VSIG10L2: variants seen among roughly 807,000 people sequenced by gnomAD.
VSIG10L2 encodes V-set and immunoglobulin domain containing 10 like 2, also known as V-set and immunoglobulin domain-containing protein 10-like 2.
In VSIG10L2, 56 loss-of-function variants were observed where a neutral mutation model predicts 67.1. That is an observed-to-expected ratio of 0.83 (90% confidence interval 0.67 to 1.04). The LOEUF (loss-of-function observed/expected upper bound fraction) is 1.04, where lower values mean the gene tolerates loss of function less well. Ranked by LOEUF, VSIG10L2 falls within the 50% of genes least tolerant of loss-of-function variation. VSIG10L2 has a pLI of 0.00. For synonymous variants in VSIG10L2, 360 were observed against 396.6 expected (o/e 0.91, Z 1.10); for missense variants, 843 against 932.8 (o/e 0.90, Z 1.25).
Position 125,954,380 on chromosome 11 carries a change from C to A in VSIG10L2, c.2080C>A (p.Pro694Thr). 2.4e-6 allele frequency: 3 copies of A among 1,232,120 alleles called. No homozygotes were observed. Among genetic ancestry groups the A allele is most frequent in the Non-Finnish European group, 3.0e-6 (3 of 987,992 alleles). 76.3% of individuals were successfully genotyped at this position (1,232,120 alleles called of 1,614,324 possible). ...AGGACATCCCTCTGAGGTGAAGATA[C>A]CAGGTGCCAGCTAATGCCAGGGAGG... ...TAGHPSEVKI[P>T]ADPPFSAYPA... The change falls in exon 8 of 12, where the codon CCA (proline) becomes ACA (threonine). Residue 694 changes from proline (P) to threonine (T), a missense_variant. Physicochemically the swap from Pro to Thr is conservative, Grantham distance 38. This residue lies in a region of VSIG10L2 where 397 missense variants were observed against 384.4 expected (regional missense o/e 1.03). Coordinates refer to ENST00000686984, the MANE Select transcript of VSIG10L2 (RefSeq NM_001365077.2).
intron 6 of VSIG10L2, 57 bp downstream of exon 6, chr11:125,952,130 G>C: frequency 2.0e-6 from 3 of 1,488,582 alleles, no homozygotes; most frequent in Non-Finnish European, 2.7e-6. Flanking sequence ...GAACCCTTTG[G>C]AATCAGGATA....
chr11:125,951,895 C>T lies in VSIG10L2; in HGVS notation c.1317C>T (p.Gly439=), dbSNP rs954647315. The T allele has an allele frequency of 1.2e-5, 19 of 1,534,962 alleles. No individual in the cohort carries two copies. Among genetic ancestry groups the T allele is most frequent in the African/African-American group, 1.1e-4 (8 of 73,038 alleles). ...QFIMLSCEWP[G]GEPPATLGWL... is the part of the protein sequence containing the mutation. ...TCATGCTGAGCTGCGAGTGGCCTGG[C>T]GGCGAGCCCCCTGCCACGCTGGGCT... Residue 439 remains glycine, a synonymous_variant, in exon 6 of 12, where the codon GGC becomes GGT. Coordinates refer to ENST00000686984, the MANE Select transcript of VSIG10L2 (RefSeq NM_001365077.2).
Position 125,955,096 on chromosome 11 carries a change from C to T in VSIG10L2, c.2123C>T (p.Ala708Val). ...AGCGCCTACCCAGCGGTGTTGGGTG[C>T]AGCAGGCACGGGAATGGTGGTAGCA... ...PFSAYPAVLG[A>V]AGTGMVVATV... Residue 708 changes from alanine to valine, a missense_variant, in exon 9 of 12, where the codon GCA becomes GTA. Physicochemically the swap from Ala to Val is moderately conservative, Grantham distance 64. This residue lies in a region of VSIG10L2 where 397 missense variants were observed against 384.4 expected (regional missense o/e 1.03). Coordinates refer to ENST00000686984, the MANE Select transcript of VSIG10L2 (RefSeq NM_001365077.2). 8.1e-7 allele frequency: 1 copy of T among 1,239,290 alleles called. No homozygotes were observed. 76.8% of individuals were successfully genotyped at this position (1,239,290 alleles called of 1,614,324 possible). A position where few individuals can be genotyped will look rare whatever the true frequency, so the allele number is the denominator to read the frequency against.
rs1463497521 is a variant in VSIG10L2 at position 125,954,106 on chromosome 11, T to A, written c.1806T>A (p.Asn602Lys). ...ACCCAGGATATCCAGCTCCTCCCAA[T>A]GTCACCATCAGCCGCCTGACCTACG... ...LEVLRYPAPPNVTISRLTYGR... is the reference protein window; with the variant it reads ...LEVLRYPAPPKVTISRLTYGR... Residue 602 changes from asparagine (N) to lysine (K), a missense_variant, in exon 8 of 12, where the codon AAT (asparagine) becomes AAA (lysine). Asn to Lys is a moderately conservative substitution (Grantham distance 94, BLOSUM62 0). Coordinates refer to ENST00000686984, the MANE Select transcript of VSIG10L2 (RefSeq NM_001365077.2). 3 of 1,232,192 alleles carry A rather than the reference T, an allele frequency of 2.4e-6. No individual in the cohort carries two copies. The highest frequency in any genetic ancestry group is 2.0e-6 in the Non-Finnish European group (2 of 988,030). 76.3% of individuals were successfully genotyped at this position (1,232,192 alleles called of 1,614,324 possible).
Position 125,947,873 on chromosome 11 carries a change from G to A in VSIG10L2, c.270G>A (p.Val90=). 12 of 1,232,338 alleles carry A rather than the reference G, an allele frequency of 9.7e-6. No homozygotes were observed. The highest frequency in any genetic ancestry group is 1.2e-5 in the Non-Finnish European group (12 of 988,098). 76.3% of individuals were successfully genotyped at this position (1,232,338 alleles called of 1,614,324 possible). A position where few individuals can be genotyped will look rare whatever the true frequency, so the allele number is the denominator to read the frequency against. ...TCACCGATGGAGCCATGTCCAAGGT[G>A]GAGGCCATCGCCTCGGCTCTGGGAG... is the stretch of plus-strand genomic sequence containing the variant. ...VAVTDGAMSK[V]EAIASALGVV... is the part of the protein sequence containing the mutation. Residue 90 remains valine (V), a synonymous_variant, in exon 2 of 12, where the codon GTG becomes GTA. Coordinates refer to ENST00000686984, the MANE Select transcript of VSIG10L2 (RefSeq NM_001365077.2).
At position 125,946,713 on chromosome 11, in the gene VSIG10L2, T is replaced by G. The variant is rs1284285538; in HGVS notation, c.82+576T>G. Among the ~76,000 whole-genome samples the G allele has an allele frequency of 1.3e-5, 2 of 152,080 alleles. No homozygotes were observed. Among genetic ancestry groups the G allele is most frequent in the Admixed American group, 6.5e-5 (1 of 15,274 alleles). Reference sequence around the variant, plus strand: ...CCACCATGCCCAGCTAATTTTTGTATTTTTAGTAGAGCCAGGGTTTTGCCA... The same window carrying G: ...CCACCATGCCCAGCTAATTTTTGTAGTTTTAGTAGAGCCAGGGTTTTGCCA... On this transcript the variant is annotated intron_variant, in intron 1 of 11. Transcript: ENST00000686984. This position sits in a 1 kb window ranked among gnomAD's most constrained non-coding sequence, Gnocchi z 4.4.
Position 125,950,061 on chromosome 11 carries a change from G to A in VSIG10L2, c.757G>A (p.Glu253Lys), listed in dbSNP as rs575867555. Residue 253 changes from glutamate to lysine, a missense_variant, in exon 4 of 12, where the codon GAG becomes AAG. Physicochemically the swap from Glu to Lys is moderately conservative, Grantham distance 56. This residue lies in a region of VSIG10L2 where 446 missense variants were observed against 548.4 expected (regional missense o/e 0.81). Transcript: ENST00000686984. ...CACCATGGAGCCGCTGGGACTCACT[G>A]AGGAGGGCTTCTGGGCCAGTGAGAG... Reference protein sequence around the residue: ...VITMEPLGLTEEGFWASEREE... With the variant: ...VITMEPLGLTKEGFWASEREE... The A allele has an allele frequency of 3.2e-6, 4 of 1,232,432 alleles. No homozygotes were observed. In the East Asian group the frequency reaches 1.3e-4, roughly 39 times the overall value. The allele number at this position is 1,232,432 out of a possible 1,614,324, so 76.3% of individuals were successfully genotyped here.
chr11:125,955,829 C>A lies in VSIG10L2; in HGVS notation c.2297C>A (p.Pro766Gln). The change falls in exon 12 of 12, where the codon CCA becomes CAA. Residue 766 changes from proline (P) to glutamine (Q), a missense_variant. By Grantham distance (76) the Pro-to-Gln change is moderately conservative. Around this residue, in one of 2 missense-constraint regions of VSIG10L2, gnomAD observed 397 missense variants for 384.4 expected, o/e 1.03. Coordinates refer to ENST00000686984, the MANE Select transcript of VSIG10L2 (RefSeq NM_001365077.2). ...ATGCTCTTCATAGGCCTTGAAACAC[C>A]AACCACCACCCCAGGTTTGGATCCT... Reference protein sequence around the residue: ...DAEAPAGLETPTTTPGLDPAQ... With the variant: ...DAEAPAGLETQTTTPGLDPAQ... The A allele has an allele frequency of 1.4e-6, 1 of 721,920 alleles. No homozygotes were observed. Among genetic ancestry groups the A allele is most frequent in the Non-Finnish European group, 2.5e-6 (1 of 405,338 alleles). The allele number at this position is 721,920 out of a possible 1,614,324, so 44.7% of individuals were successfully genotyped here.
chr11:125,950,173 G>A lies in VSIG10L2; in HGVS notation c.869G>A (p.Gly290Glu). The A allele has an allele frequency of 8.1e-7, 1 of 1,232,350 alleles. No individual in the cohort carries two copies. Among genetic ancestry groups the A allele is most frequent in the Non-Finnish European group, 1.0e-6 (1 of 988,114 alleles). The allele number at this position is 1,232,350 out of a possible 1,614,324, so 76.3% of individuals were successfully genotyped here. Residue 290 changes from glycine to glutamate, a missense_variant, in exon 4 of 12, where the codon GGG becomes GAG. Physicochemically the swap from Gly to Glu is moderately conservative, Grantham distance 98. Coordinates refer to ENST00000686984, the MANE Select transcript of VSIG10L2 (RefSeq NM_001365077.2). ...CGTGACCACACGCAAGTCCACACGG[G>A]GCCTACCTATGTCATCGCCAGAGCT... ...WLRDHTQVHTGPTYVIARAGR... is the reference protein window; with the variant it reads ...WLRDHTQVHTEPTYVIARAGR...
At position 125,954,317 on chromosome 11, in the gene VSIG10L2, T is replaced by C; in HGVS notation, c.2017T>C (p.Tyr673His). Residue 673 changes from tyrosine (Y) to histidine (H), a missense_variant, in exon 8 of 12, where the codon TAT (tyrosine) becomes CAT (histidine). Tyr to His is a moderately conservative substitution (Grantham distance 83). Around this residue, in one of 2 missense-constraint regions of VSIG10L2, gnomAD observed 397 missense variants for 384.4 expected, o/e 1.03. Transcript: ENST00000686984. ...GGGGGGCTTGGACCCCGGGGTCCTT[T>C]ATGCCTTCCGCATCCTGGCTCTGAA... ...RLGGLDPGVL[Y>H]AFRILALNHH... The C allele has an allele frequency of 8.1e-7, 1 of 1,232,006 alleles. No individual in the cohort carries two copies. Among genetic ancestry groups the C allele is most frequent in the Non-Finnish European group, 1.0e-6 (1 of 987,960 alleles). The allele number at this position is 1,232,006 out of a possible 1,614,324, so 76.3% of individuals were successfully genotyped here. A position where few individuals can be genotyped will look rare whatever the true frequency, so the allele number is the denominator to read the frequency against.
At chr11:125,948,799 T>C (rs931144521) in intron 3 of VSIG10L2, among the ~76,000 whole-genome samples, 2 of 152,250 alleles carry the variant, frequency 1.3e-5, no homozygotes, top group African/African-American at 4.8e-5. Context: ...AGGACACCCT[T>C]TTCCAGGAAA....
chr11:125,951,860 G>C lies in VSIG10L2; in HGVS notation c.1282G>C (p.Asp428His), dbSNP rs750635226. The change falls in exon 6 of 12, where the codon GAC becomes CAC. Residue 428 changes from aspartate to histidine, a missense_variant. Physicochemically the swap from Asp to His is moderately conservative, Grantham distance 81. Coordinates refer to ENST00000686984, the MANE Select transcript of VSIG10L2 (RefSeq NM_001365077.2). ...PTCWSTATMG[D>H]QFIMLSCEWP... The stretch of plus-strand genomic sequence containing the variant: ...CTGCTGGAGCACAGCCACAATGGGG[G>C]ACCAGTTCATCATGCTGAGCTGCGA... 2 of 1,530,098 alleles carry C rather than the reference G, an allele frequency of 1.3e-6. No individual in the cohort carries two copies. The highest frequency in any genetic ancestry group is 2.4e-5 in the South Asian group (2 of 83,480). 94.8% of individuals were successfully genotyped at this position (1,530,098 alleles called of 1,614,324 possible).
In VSIG10L2 at chr11:125,954,928, T is replaced by C. The variant is rs139311837; in HGVS notation, c.2084-129T>C. The C allele has an allele frequency of 1.1e-3, 1,086 of 984,338 alleles. 21 individuals are homozygous for C. The East Asian group carries it at 0.034, about 31-fold the overall frequency. 61.0% of individuals were successfully genotyped at this position (984,338 alleles called of 1,614,324 possible). A position where few individuals can be genotyped will look rare whatever the true frequency, so the allele number is the denominator to read the frequency against. On this transcript the variant is annotated intron_variant, in intron 8 of 11. Transcript: ENST00000686984. ...ATCTCCAGGATTCTCTGGGTCCCCA[T>C]GTCAGCTGCAGGGGGAACTGGATGA... is the stretch of plus-strand genomic sequence containing the variant.
chr11:125,953,655 G>A lies in VSIG10L2; in HGVS notation c.1751G>A (p.Gly584Asp), dbSNP rs1039804022. 3 of 1,232,192 alleles carry A rather than the reference G, an allele frequency of 2.4e-6. No homozygotes were observed. Among genetic ancestry groups the A allele is most frequent in the Non-Finnish European group, 3.0e-6 (3 of 988,040 alleles). The allele number at this position is 1,232,192 out of a possible 1,614,324, so 76.3% of individuals were successfully genotyped here. Residue 584 changes from glycine (G) to aspartate (D), a missense_variant, in exon 7 of 12, where the codon GGC becomes GAC. Physicochemically the swap from Gly to Asp is moderately conservative, Grantham distance 94. Coordinates refer to ENST00000686984, the MANE Select transcript of VSIG10L2 (RefSeq NM_001365077.2). ...TYQCVARNAV[G>D]NSSQSVLLEV... is the part of the protein sequence containing the mutation. ...CAATGCGTGGCCCGCAACGCCGTGG[G>A]CAATAGCAGTCAGAGTGTGCTGCTG...
intron 10 of VSIG10L2, 35 bp downstream of exon 10, chr11:125,955,541 G>A: frequency 1.5e-6 from 2 of 1,318,136 alleles, no homozygotes; most frequent in African/African-American, 1.5e-5. Flanking sequence ...TGGGGGCCAG[G>A]GCTTTCCTCC....
At chr11:125,954,978 C>G (rs933785541) in intron 8 of VSIG10L2, 79 bp from the exon 9 acceptor site, 1 of 1,220,694 alleles carries the variant, frequency 8.2e-7, no homozygotes, top group African/African-American at 1.6e-5. Context: ...CTCCAGAACC[C>G]TAGTGGTTCC....
At position 125,954,136 on chromosome 11, in the gene VSIG10L2, G is replaced by A; in HGVS notation, c.1836G>A (p.Arg612=). ...CCATCAGCCGCCTGACCTACGGGAGGCACCGGAGAGAGGTGCAGCTTCAAT... is the reference window on the plus strand; with the variant it reads ...CCATCAGCCGCCTGACCTACGGGAGACACCGGAGAGAGGTGCAGCTTCAAT... ...NVTISRLTYG[R]HRREVQLQWA... The change falls in exon 8 of 12, where the codon AGG becomes AGA. Residue 612 remains arginine, a synonymous_variant. Coordinates refer to ENST00000686984, the MANE Select transcript of VSIG10L2 (RefSeq NM_001365077.2). The A allele has an allele frequency of 1.6e-6, 2 of 1,232,256 alleles. No individual in the cohort carries two copies. The allele number at this position is 1,232,256 out of a possible 1,614,324, so 76.3% of individuals were successfully genotyped here.
rs945646964 is a variant in VSIG10L2 at position 125,951,759 on chromosome 11, C to T, written c.1235-54C>T. On this transcript the variant is annotated intron_variant, in intron 5 of 11. Coordinates refer to ENST00000686984, the MANE Select transcript of VSIG10L2 (RefSeq NM_001365077.2). ...ATGAAGGAAGGGGGATAGGGTGGAA[C>T]TGCCAAGCCCTTCCTCCTTCCACAG... The T allele has an allele frequency of 7.0e-6, 10 of 1,429,024 alleles. No homozygotes were observed. In the African/African-American group the frequency reaches 1.4e-4, roughly 20 times the overall value. The allele number at this position is 1,429,024 out of a possible 1,614,324, so 88.5% of individuals were successfully genotyped here.
chr11:125,953,522 CAACAAA>C lies in VSIG10L2; in HGVS notation c.1621_1626del (p.Gln541_Lys542del). ...CCAGCTCCTCTGGCTGGGGCCTCAA[CAACAAA>C]AAGTGGACCCCGGCACTTCAGGATT... On this transcript the variant is annotated inframe_deletion, in exon 7 of 12. Coordinates refer to ENST00000686984, the MANE Select transcript of VSIG10L2 (RefSeq NM_001365077.2). 8.1e-7 allele frequency: 1 copy of C among 1,232,252 alleles called. No individual in the cohort carries two copies. Among genetic ancestry groups the C allele is most frequent in the Non-Finnish European group, 1.0e-6 (1 of 988,064 alleles). The allele number at this position is 1,232,252 out of a possible 1,614,324, so 76.3% of individuals were successfully genotyped here. A position where few individuals can be genotyped will look rare whatever the true frequency, so the allele number is the denominator to read the frequency against.
Sources: gnomAD v4.1 joint callset for allele counts (sites outside exome capture counted in the v4.1 genomes callset) on GRCh38, gnomAD v4.1.1 for gene constraint, gnomAD v4.1.1 regional missense constraint, Gnocchi (gnomAD v3.1) non-coding constraint, MANE v1.5 for transcripts, NCBI Gene and HGNC (gene_info 2026-07-23, HGNC 2026-07-21) for gene names.